MR1: variants seen among roughly 807,000 people sequenced by gnomAD.
MR1 encodes the protein major histocompatibility complex, class I-related, also known as major histocompatibility complex class I-related protein 1.
MR1 carries 44 observed loss-of-function variants against 37.8 expected under a neutral mutation model. The ratio of observed to expected loss-of-function variants is 1.16; its 90% CI spans 0.91 to 1.50. The LOEUF is 1.50. Ranked by LOEUF, MR1 falls within the 40% of genes most tolerant of loss-of-function variation. The pLI is 0.00. For missense variants in MR1, 386 were observed against 419.1 expected (o/e 0.92, Z 0.69); for synonymous variants, 153 against 155.8 (o/e 0.98, Z 0.13).
chr1:181,052,201 G>A (rs765089402), intron 3 of MR1, 34 bp from the exon 4 acceptor site: 2 of 1,607,642 alleles, frequency 1.2e-6, no homozygotes, highest in South Asian at 1.1e-5. Context: ...AGTACATAAG[G>A]CACTTTGATT....
At position 181,052,526 on chromosome 1, in the gene MR1, G is replaced by T. The variant is rs771190437; in HGVS notation, c.880+16G>T. 6.2e-7 allele frequency: 1 copy of T among 1,606,752 alleles called. No individual in the cohort carries two copies. Among genetic ancestry groups the T allele is most frequent in the Non-Finnish European group, 8.5e-7 (1 of 1,174,358 alleles). On this transcript the variant is annotated intron_variant, in intron 4 of 5. Transcript: ENST00000367580. ...GTCCCCCAGGGTAAGGACGGGGATC[G>T]TGGCTGTCTAGGGAGAGAGCCTGGA...
At chr1:181,038,578 C>T (rs920293400) in intron 1 of MR1, among the ~76,000 whole-genome samples, 2 of 152,198 alleles carry the variant, frequency 1.3e-5, no homozygotes, top group African/African-American at 4.8e-5. Context: ...GCCCCAGGGA[C>T]TGGGAAATCA....
chr1:181,035,158 C>T (rs1474749572), intron 1 of MR1, among the ~76,000 whole-genome samples: 2 of 151,556 alleles, frequency 1.3e-5, no homozygotes, highest in African/African-American at 2.4e-5. Flanking sequence ...AAAATTAGCT[C>T]GGCACACCCA....
intron 4 of MR1, among the ~76,000 whole-genome samples, chr1:181,053,193 G>A (rs1658421293): frequency 6.6e-6 from 1 of 152,074 alleles, no homozygotes; most frequent in African/African-American, 2.4e-5. Flanking sequence ...ACCAGCCTGG[G>A]CAACATACTG....
intron 4 of MR1, 97 bp downstream of exon 4, chr1:181,052,607 G>A: frequency 7.5e-7 from 1 of 1,327,896 alleles, no homozygotes; most frequent in Non-Finnish European, 1.0e-6. Flanking sequence ...ATAGATCACT[G>A]CCTCACTCAG....
chr1:181,061,598 G>A lies in MR1; in HGVS notation c.*6333G>A, dbSNP rs1170630043. On this transcript the variant is annotated 3_prime_UTR_variant, in exon 6 of 6. Transcript: ENST00000367580. ...TCCAAACGGTTAAAATTCCCTGGAA[G>A]ATGTTACATAATCCTATCATGGTGT... 6.6e-6 allele frequency: 1 copy of A among 152,226 alleles called. No individual in the cohort carries two copies. Among genetic ancestry groups the A allele is most frequent in the Non-Finnish European group, 1.5e-5 (1 of 68,050 alleles). 9.4% of individuals were successfully genotyped at this position (152,226 alleles called of 1,614,324 possible).
At position 181,046,871 on chromosome 1, in the gene MR1, A is replaced by C. The variant is rs140790156; in HGVS notation, c.68-2181A>C. Among the ~76,000 whole-genome samples, 724 of 152,060 alleles carry C rather than the reference A, an allele frequency of 4.8e-3. 10 individuals are homozygous for C. The highest frequency in any genetic ancestry group is 0.042 in the South Asian group (204 of 4,802). ...GACGCACCGCCTTTAGAGCTGTAACACTCACTGCGAAGGTCTGCAGCTTCA... is the reference window on the plus strand; with the variant it reads ...GACGCACCGCCTTTAGAGCTGTAACCCTCACTGCGAAGGTCTGCAGCTTCA... On this transcript the variant is annotated intron_variant, in intron 1 of 5. Coordinates refer to ENST00000367580, the MANE Select transcript of MR1 (RefSeq NM_001385161.1).
chr1:181,051,806 T>C (rs549253393), intron 3 of MR1, among the ~76,000 whole-genome samples: 9 of 152,352 alleles, frequency 5.9e-5, no homozygotes, highest in African/African-American at 2.2e-4. Context: ...TGGGGATGGC[T>C]GTGTTATTTA....
At chr1:181,044,344 C>T (rs1346879764) in intron 1 of MR1, among the ~76,000 whole-genome samples, 2 of 152,148 alleles carry the variant, frequency 1.3e-5, no homozygotes, top group Non-Finnish European at 2.9e-5. Context: ...TTGCAAGATT[C>T]TCTATAGTGG....
At position 181,058,269 on chromosome 1, in the gene MR1, G is replaced by A. The variant is rs1658717867; in HGVS notation, c.*3004G>A. On this transcript the variant is annotated 3_prime_UTR_variant, in exon 6 of 6. Coordinates refer to ENST00000367580, the MANE Select transcript of MR1 (RefSeq NM_001385161.1). ...TGAATTTTCTTTACTGAATATTTTG[G>A]ATCAAGAACACTAGATGAGAAACCT... 1 of 150,274 alleles carries A rather than the reference G, an allele frequency of 6.7e-6. No homozygotes were observed. Among genetic ancestry groups the A allele is most frequent in the African/African-American group, 2.4e-5 (1 of 40,860 alleles). 9.3% of individuals were successfully genotyped at this position (150,274 alleles called of 1,614,324 possible).
At chr1:181,055,184 A>G in intron 5 of MR1, 41 bp from the exon 6 acceptor site, 1 of 1,598,700 alleles carries the variant, frequency 6.3e-7, no homozygotes, top group East Asian at 2.2e-5. Flanking sequence ...AGCTGTGAGG[A>G]AACATTCTTG....
chr1:181,045,370 C>T (rs1211472048), intron 1 of MR1, among the ~76,000 whole-genome samples: 1 of 152,126 alleles, frequency 6.6e-6, no homozygotes, highest in Non-Finnish European at 1.5e-5. Context: ...GGGTACGTAG[C>T]CTTCTCAGCC....
At chr1:181,047,735 T>C (rs1374782161) in intron 1 of MR1, among the ~76,000 whole-genome samples, 1 of 136,448 alleles carries the variant, frequency 7.3e-6, no homozygotes, top group Non-Finnish European at 1.6e-5. Context: ...ATCTCTACTT[T>C]AAAAATATAC....
intron 1 of MR1, among the ~76,000 whole-genome samples, chr1:181,037,279 G>C (rs1657325594): frequency 6.6e-6 from 1 of 152,208 alleles, no homozygotes; most frequent in South Asian, 2.1e-4. Context: ...TATCTGCTTA[G>C]AAGTGACCTT....
intron 1 of MR1, 24 bp downstream of exon 1, chr1:181,034,098 C>A (rs940284658): frequency 2.2e-5 from 36 of 1,603,212 alleles, no homozygotes; most frequent in Non-Finnish European, 3.1e-5. Flanking sequence ...GTCCTCTTCT[C>A]TCCTAACTCC....
At chr1:181,055,123 T>A (rs1658542526) in intron 5 of MR1, 102 bp from the exon 6 acceptor site, 2 of 1,029,054 alleles carry the variant, frequency 1.9e-6, no homozygotes, top group East Asian at 4.8e-5. Context: ...AAGCTAAAAC[T>A]GTCGATGCCT....
intron 1 of MR1, among the ~76,000 whole-genome samples, chr1:181,047,320 G>A (rs987330550): frequency 6.6e-6 from 1 of 152,072 alleles, no homozygotes; most frequent in Admixed American, 6.6e-5. Context: ...AAAAATTTCG[G>A]CCGGCCATGG....
rs968055386 is a variant in MR1 at position 181,061,420 on chromosome 1, C to T, written c.*6155C>T. 6.6e-6 allele frequency: 1 copy of T among 152,172 alleles called. No individual in the cohort carries two copies. The highest frequency in any genetic ancestry group is 1.5e-5 in the Non-Finnish European group (1 of 68,040). The allele number at this position is 152,172 out of a possible 1,614,324, so 9.4% of individuals were successfully genotyped here. A position where few individuals can be genotyped will look rare whatever the true frequency, so the allele number is the denominator to read the frequency against. On this transcript the variant is annotated 3_prime_UTR_variant, in exon 6 of 6. Transcript: ENST00000367580. ...ATCTATCCTTGTGCAGGGCACAAGCCTACATGGTGGCTCTGGTCATATCAT... is the reference window on the plus strand; with the variant it reads ...ATCTATCCTTGTGCAGGGCACAAGCTTACATGGTGGCTCTGGTCATATCAT...
chr1:181,033,670 C>T (rs373270866), upstream of MR1, among the ~76,000 whole-genome samples: 1 of 152,176 alleles, frequency 6.6e-6, no homozygotes, highest in Non-Finnish European at 1.5e-5. Context: ...TCCAGGGAAG[C>T]AGAGGCAGCA....
Sources: allele counts gnomAD v4.1 joint callset (sites outside exome capture counted in the v4.1 genomes callset), GRCh38; gene constraint gnomAD v4.1.1; transcripts MANE v1.5; gene names NCBI Gene and HGNC (gene_info 2026-07-23, HGNC 2026-07-21).